The following PCDH15 variants were observed in gnomAD, a reference collection of about 807,000 sequenced individuals.
The protein encoded by PCDH15 is protocadherin-15.
PCDH15 carries 129 observed loss-of-function variants against 178.5 expected under a neutral mutation model. The observed-to-expected ratio is 0.72, with a 90% CI of 0.63 to 0.84. The LOEUF (loss-of-function observed/expected upper bound fraction) is 0.84. PCDH15 is among the 40% of genes least tolerant of loss of function. The probability of loss-of-function intolerance (pLI) is 0.00; values close to 1 mark genes in which losing one functional copy is unlikely to be tolerated. For missense variants in PCDH15, 2,230 were observed against 2,099.9 expected, an observed-to-expected ratio of 1.06 and a Z score of -1.21; for synonymous variants, 800 against 732.0, an observed-to-expected ratio of 1.09 and a Z score of -1.50.
chr10:55,110,522 T>G (rs1837474914), intron 2 of PCDH15, among the ~76,000 whole-genome samples: 1 of 152,078 alleles, frequency 6.6e-6, no homozygotes, highest in African/African-American at 2.4e-5. Context: ...TCCATAACAA[T>G]CAGATTTACA....
At chr10:54,857,915 A>G (rs1177588300) in intron 3 of PCDH15, among the ~76,000 whole-genome samples, 2 of 152,202 alleles carry the variant, frequency 1.3e-5, no homozygotes, top group African/African-American at 2.4e-5. Context: ...GAATGATTAC[A>G]TAAGCTAATT....
At chr10:54,323,380 A>T (rs2061728150) in intron 7 of PCDH15, among the ~76,000 whole-genome samples, 1 of 152,126 alleles carries the variant, frequency 6.6e-6, no homozygotes, top group Non-Finnish European at 1.5e-5. Flanking sequence ...CACAAAGAAA[A>T]ATAGTGCATT....
chr10:55,357,894 A>T (rs1198916222), intron 2 of PCDH15, among the ~76,000 whole-genome samples: 2 of 152,090 alleles, frequency 1.3e-5, no homozygotes, highest in Non-Finnish European at 2.9e-5. Context: ...GAATTATATG[A>T]TAATCATTTA....
At chr10:55,492,827 A>C (rs1840448027) in intron 2 of PCDH15, among the ~76,000 whole-genome samples, 1 of 151,828 alleles carries the variant, frequency 6.6e-6, no homozygotes, top group Non-Finnish European at 1.5e-5. Flanking sequence ...AAGACTTGAT[A>C]GTAATGTCTT....
intron 2 of PCDH15, among the ~76,000 whole-genome samples, chr10:55,569,506 AAAAC>A (rs777787673): frequency 2.0e-5 from 3 of 152,010 alleles, no homozygotes; most frequent in Non-Finnish European, 4.4e-5. Context: ...AAAAACAATC[AAAAC>A]AAACAGAAAT....
At chr10:54,352,375 G>T (rs949524523) in intron 5 of PCDH15, among the ~76,000 whole-genome samples, 1 of 152,154 alleles carries the variant, frequency 6.6e-6, no homozygotes, top group African/African-American at 2.4e-5. Context: ...ATTCAATTTG[G>T]AAACTTGCCC....
At chr10:55,229,071 A>G (rs2132195377) in intron 1 of PCDH15, among the ~76,000 whole-genome samples, 1 of 152,090 alleles carries the variant, frequency 6.6e-6, no homozygotes, top group Middle Eastern at 3.4e-3. Context: ...TTTAGACTTG[A>G]TATAATGAGG....
chr10:54,846,178 G>A (rs902787768), intron 3 of PCDH15, among the ~76,000 whole-genome samples: 1 of 151,928 alleles, frequency 6.6e-6, no homozygotes, highest in African/African-American at 2.4e-5. Flanking sequence ...CACTTCACCT[G>A]GACATATTGG....
intron 5 of PCDH15, among the ~76,000 whole-genome samples, chr10:54,359,205 G>C (rs1945573543): frequency 1.3e-5 from 2 of 151,388 alleles, no homozygotes; most frequent in Admixed American, 1.3e-4. Flanking sequence ...GAATAAATTT[G>C]GTTCTCTATA....
At chr10:54,023,219 CA>C in intron 18 of PCDH15, 22 bp from the exon 19 acceptor site, 1 of 1,605,888 alleles carries the variant, frequency 6.2e-7, no homozygotes, top group Non-Finnish European at 8.5e-7. Context: ...AACAAAAAAA[CA>C]AAAAAATTCA....
intron 1 of PCDH15, among the ~76,000 whole-genome samples, chr10:54,730,921 T>C (rs1943242563): frequency 6.6e-6 from 1 of 151,342 alleles, no homozygotes; most frequent in Non-Finnish European, 1.5e-5. Flanking sequence ...GAAATTACAT[T>C]AGGCTAAAAA....
At chr10:54,855,628 T>C (rs1953727593) in intron 3 of PCDH15, among the ~76,000 whole-genome samples, 1 of 152,230 alleles carries the variant, frequency 6.6e-6, no homozygotes, top group South Asian at 2.1e-4. Flanking sequence ...AGGATCTTTA[T>C]ATTGCAAATC....
intron 2 of PCDH15, among the ~76,000 whole-genome samples, chr10:54,620,217 T>G (rs1040677713): frequency 2.0e-5 from 3 of 151,940 alleles, no homozygotes; most frequent in Non-Finnish European, 4.4e-5. Flanking sequence ...TATATAAACA[T>G]AAATTTTTCA....
At chr10:55,434,192 T>C (rs1050469468) in intron 2 of PCDH15, among the ~76,000 whole-genome samples, 37 of 144,714 alleles carry the variant, frequency 2.6e-4, no homozygotes, top group Non-Finnish European at 5.1e-4. Flanking sequence ...GCCATTCTCC[T>C]GCCTCAGCCT....
chr10:53,978,173 A>T (rs2090344377), intron 21 of PCDH15, among the ~76,000 whole-genome samples: 2 of 152,158 alleles, frequency 1.3e-5, no homozygotes, highest in Non-Finnish European at 2.9e-5. Flanking sequence ...CTCCCACCAC[A>T]CATTTCTCTT....
At chr10:54,367,098 G>A (rs1049477325) in intron 5 of PCDH15, among the ~76,000 whole-genome samples, 4 of 152,060 alleles carry the variant, frequency 2.6e-5, no homozygotes, top group African/African-American at 9.7e-5. Flanking sequence ...AGACTTGCAT[G>A]GTAGGGAGGA....
At chr10:54,808,922 G>T (rs377362838) in intron 3 of PCDH15, among the ~76,000 whole-genome samples, 6 of 149,218 alleles carry the variant, frequency 4.0e-5, no homozygotes, top group Admixed American at 2.0e-4. Flanking sequence ...GCTCTAGAGA[G>T]AATTTAAGTG....
chr10:53,965,347 C>T (rs190351857), intron 21 of PCDH15, among the ~76,000 whole-genome samples: 5 of 152,200 alleles, frequency 3.3e-5, no homozygotes, highest in African/African-American at 1.2e-4. Flanking sequence ...CGTAAGCCAC[C>T]GCGCCCAGCC....
At chr10:55,390,367 A>G (rs897826646) in intron 2 of PCDH15, among the ~76,000 whole-genome samples, 1 of 152,180 alleles carries the variant, frequency 6.6e-6, no homozygotes. Context: ...TGGGGTGGCT[A>G]TGACAATTCA....
Sources: gnomAD v4.1 joint callset for allele counts (sites outside exome capture counted in the v4.1 genomes callset) on GRCh38, gnomAD v4.1.1 for gene constraint, MANE v1.5 for transcripts, NCBI Gene and HGNC (gene_info 2026-07-23, HGNC 2026-07-21) for gene names.